The following GNG7 variants were observed in gnomAD, a reference collection of about 807,000 sequenced individuals.
GNG7 encodes the protein G protein subunit gamma 7, also known as guanine nucleotide-binding protein G(I)/G(S)/G(O) subunit gamma-7.
A neutral mutation model predicts 4.0 loss-of-function variants in GNG7; 1 was observed. The ratio of observed to expected loss-of-function variants is 0.25; its 90% CI spans 0.09 to 1.18. The LOEUF (loss-of-function observed/expected upper bound fraction) is 1.18, where lower values mean the gene tolerates loss of function less well. Ranked by LOEUF, GNG7 falls within the 50% of genes most tolerant of loss-of-function variation. The pLI is 0.50. For synonymous variants in GNG7, 34 were observed against 36.9 expected (o/e 0.92, Z 0.29); for missense variants, 86 against 91.9 (o/e 0.94, Z 0.26).
intron 2 of GNG7, among the ~76,000 whole-genome samples, chr19:2,586,061 T>C (rs951477936): frequency 1.3e-5 from 2 of 152,226 alleles, no homozygotes; most frequent in Non-Finnish European, 2.9e-5. Flanking sequence ...TTCTGAAATA[T>C]TTTTTCAGCA....
chr19:2,605,590 T>C (rs1166178593), intron 2 of GNG7, among the ~76,000 whole-genome samples: 1 of 143,942 alleles, frequency 6.9e-6, no homozygotes, highest in African/African-American at 2.6e-5. Context: ...CTTGGCTTAC[T>C]GCAACCTCTG....
chr19:2,569,582 T>C (rs561607399), intron 2 of GNG7, among the ~76,000 whole-genome samples: 127 of 152,190 alleles, frequency 8.3e-4, no homozygotes, highest in African/African-American at 2.7e-3. Flanking sequence ...GCCAATCATC[T>C]CCATTCTTAA....
intron 1 of GNG7, among the ~76,000 whole-genome samples, chr19:2,678,509 C>G (rs1330761010): frequency 6.6e-6 from 1 of 152,204 alleles, no homozygotes; most frequent in Admixed American, 6.5e-5. Context: ...GGGTCACACC[C>G]ACTGTACACA....
chr19:2,697,672 C>T (rs1016225263), intron 1 of GNG7, among the ~76,000 whole-genome samples: 3 of 152,118 alleles, frequency 2.0e-5, no homozygotes, highest in Non-Finnish European at 2.9e-5. Flanking sequence ...AAGGACACAG[C>T]GGCCGGGCGC....
At chr19:2,697,763 TG>T (rs1913303202) in intron 1 of GNG7, among the ~76,000 whole-genome samples, 1 of 150,814 alleles carries the variant, frequency 6.6e-6, no homozygotes, top group African/African-American at 2.5e-5. Context: ...GAGGCCAGCC[TG>T]GCCAACATGG....
chr19:2,595,009 A>T (rs1980970917), intron 2 of GNG7: 1 of 152,018 alleles, frequency 6.6e-6, no homozygotes, highest in Non-Finnish European at 1.5e-5. Context: ...AGTCCCAGCT[A>T]TTTGAAAGGA....
At chr19:2,536,288 G>T (rs142798911) in intron 3 of GNG7, among the ~76,000 whole-genome samples, 1,546 of 151,648 alleles carry the variant, frequency 0.01, 30 homozygotes, top group African/African-American at 0.035. Flanking sequence ...TGTGGTGGCG[G>T]GCGCCTGTAG....
rs922244626 is a variant in GNG7 at position 2,618,083 on chromosome 19, C to T, written c.-78+28141G>A. On this transcript the variant is annotated intron_variant, in intron 2 of 4. Coordinates refer to ENST00000382159, the MANE Select transcript of GNG7 (RefSeq NM_052847.3). The surrounding 1 kb of genome is among the most constrained non-coding windows in gnomAD (Gnocchi z 5.1). Reference sequence around the variant, plus strand: ...GTGCTGTCTCTGTGTGACACATGCTCCCTGAGAACAGGACTTGATTCCACC... The same window carrying T: ...GTGCTGTCTCTGTGTGACACATGCTTCCTGAGAACAGGACTTGATTCCACC... Among the ~76,000 whole-genome samples, 5 of 152,138 alleles carry T rather than the reference C, an allele frequency of 3.3e-5. No individual in the cohort carries two copies. The highest frequency in any genetic ancestry group is 7.3e-5 in the Non-Finnish European group (5 of 68,034).
In GNG7 at chr19:2,617,850, C is replaced by G. The variant is rs1361130292; in HGVS notation, c.-78+28374G>C. 6.6e-6 allele frequency among the ~76,000 whole-genome samples: 1 copy of G among 152,010 alleles called. No homozygotes were observed. Among genetic ancestry groups the G allele is most frequent in the Non-Finnish European group, 1.5e-5 (1 of 68,000 alleles). ...CCTCCTACCTCAGCCTCCAGAGCAG[C>G]TGGAACTACAGGTGTGCACCACCAT... On this transcript the variant is annotated intron_variant, in intron 2 of 4. Coordinates refer to ENST00000382159, the MANE Select transcript of GNG7 (RefSeq NM_052847.3). The surrounding 1 kb of genome is among the most constrained non-coding windows in gnomAD (Gnocchi z 4.7).
Position 2,611,283 on chromosome 19 carries a change from CT to C in GNG7, c.-78+34940del, listed in dbSNP as rs1981555410. ...TGACTTCAGGGGCGAGGAATTCCGC[CT>C]GGCGAGCGTCTAGACTGCGGTGTTT... On this transcript the variant is annotated intron_variant, in intron 2 of 4. Transcript: ENST00000382159. This position sits in a 1 kb window ranked among gnomAD's most constrained non-coding sequence, Gnocchi z 6.0. 6.6e-6 allele frequency: 1 copy of C among 152,280 alleles called. No homozygotes were observed. The highest frequency in any genetic ancestry group is 2.4e-5 in the African/African-American group (1 of 41,458). The allele number at this position is 152,280 out of a possible 1,614,324, so 9.4% of individuals were successfully genotyped here.
intron 1 of GNG7, among the ~76,000 whole-genome samples, chr19:2,681,841 CA>C (rs1235713383): frequency 6.6e-6 from 1 of 152,086 alleles, no homozygotes; most frequent in Non-Finnish European, 1.5e-5. Flanking sequence ...GGTATCTCAC[CA>C]TGGCTTTGAT....
At chr19:2,539,930 TTC>T (rs1239955306) in intron 3 of GNG7, among the ~76,000 whole-genome samples, 1 of 144,100 alleles carries the variant, frequency 6.9e-6, no homozygotes, top group East Asian at 2.2e-4. Context: ...TCTTTCTTTC[TTC>T]TCTCTCCCTC....
chr19:2,647,633 G>C (rs1209080028), intron 1 of GNG7, among the ~76,000 whole-genome samples: 1 of 152,110 alleles, frequency 6.6e-6, no homozygotes, highest in East Asian at 1.9e-4. Flanking sequence ...TGGGAGGATC[G>C]CTTGATCCTG....
chr19:2,674,843 C>G (rs895751012), intron 1 of GNG7, among the ~76,000 whole-genome samples: 3 of 152,182 alleles, frequency 2.0e-5, no homozygotes, highest in Admixed American at 1.3e-4. Flanking sequence ...CTCGCATTTC[C>G]ACCCTCGACA....
At chr19:2,567,331 T>TTGTGTGTGTGTGTGTGTGTGTGTG (rs3221748) in intron 2 of GNG7, among the ~76,000 whole-genome samples, 13,127 of 137,006 alleles carry the variant, frequency 0.096, 751 homozygotes, top group South Asian at 0.11. Flanking sequence ...TGTCGTCGAT[T>TTGTGTGTGTGTGTGTGTGTGTGTG]TGTGTGTGTG....
In GNG7 at chr19:2,579,157, G is replaced by A. The variant is rs1980428407; in HGVS notation, c.-77-23969C>T. ...GCTCCGCCTCAGCATCTGCGGGATG[G>A]GTGCCCCCGGCCGGGCAGGTCCAGA... On this transcript the variant is annotated intron_variant, in intron 2 of 4. Coordinates refer to ENST00000382159, the MANE Select transcript of GNG7 (RefSeq NM_052847.3). Among the ~76,000 whole-genome samples, 3 of 152,274 alleles carry A rather than the reference G, an allele frequency of 2.0e-5. No individual in the cohort carries two copies. In the South Asian group the frequency reaches 6.2e-4, roughly 31 times the overall value.
At chr19:2,661,071 C>T (rs113170109) in intron 1 of GNG7, among the ~76,000 whole-genome samples, 5,334 of 151,084 alleles carry the variant, frequency 0.035, 315 homozygotes, top group African/African-American at 0.12. Context: ...ATTAGCCGGG[C>T]GTGGTGGTGC....
chr19:2,548,273 G>T lies in GNG7; in HGVS notation c.-38+6876C>A, dbSNP rs547361304. On this transcript the variant is annotated intron_variant, in intron 3 of 4. Transcript: ENST00000382159. Reference sequence around the variant, plus strand: ...GAGGGCGGATTGCCTGAGCTCAGGAGTTCGAGACCAGCCTGGGCAACGTGG... The same window carrying T: ...GAGGGCGGATTGCCTGAGCTCAGGATTTCGAGACCAGCCTGGGCAACGTGG... 2.3e-3 allele frequency among the ~76,000 whole-genome samples: 355 copies of T among 152,214 alleles called. 2 individuals are homozygous for T. The highest frequency in any genetic ancestry group is 4.1e-3 in the Non-Finnish European group (281 of 68,014).
intron 2 of GNG7, among the ~76,000 whole-genome samples, chr19:2,604,143 C>A (rs1292672336): frequency 6.6e-6 from 1 of 152,002 alleles, no homozygotes; most frequent in Non-Finnish European, 1.5e-5. Flanking sequence ...AGCCACCGTG[C>A]CGGGTCTCGA....
Sources: gnomAD v4.1 joint callset for allele counts (sites outside exome capture counted in the v4.1 genomes callset) on GRCh38, gnomAD v4.1.1 for gene constraint, Gnocchi (gnomAD v3.1) non-coding constraint, MANE v1.5 for transcripts, NCBI Gene and HGNC (gene_info 2026-07-23, HGNC 2026-07-21) for gene names.